The following GABRG1 variants were observed in gnomAD, a reference collection of about 807,000 sequenced individuals.
GABRG1 encodes the protein gamma-aminobutyric acid type A receptor subunit gamma1.
Under a neutral mutation model 49.8 loss-of-function variants are expected in GABRG1, and 49 were observed. The ratio of observed to expected loss-of-function variants is 0.98; its 90% CI spans 0.78 to 1.25. GABRG1 has a LOEUF of 1.25. GABRG1 is among the 50% of genes most tolerant of loss of function. The probability of loss-of-function intolerance (pLI) is 0.00; values close to 1 mark genes in which losing one functional copy is unlikely to be tolerated. For missense variants in GABRG1, 552 were observed against 552.3 expected, an observed-to-expected ratio of 1.00 and a Z score of 0.01; for synonymous variants, 232 against 185.1, an observed-to-expected ratio of 1.25 and a Z score of -2.06.
intron 2 of GABRG1, among the ~76,000 whole-genome samples, chr4:46,092,351 G>A (rs1577659739): frequency 6.6e-6 from 1 of 151,796 alleles, no homozygotes; most frequent in Non-Finnish European, 1.5e-5. Context: ...TATGGAAAAA[G>A]GTTTGAAATT....
chr4:46,077,427 C>T (rs955827733), intron 3 of GABRG1, among the ~76,000 whole-genome samples: 2 of 151,792 alleles, frequency 1.3e-5, no homozygotes. Context: ...ATGATCATAA[C>T]AATGGTGACC....
chr4:46,105,144 G>T (rs951732399), intron 1 of GABRG1, among the ~76,000 whole-genome samples: 1 of 151,254 alleles, frequency 6.6e-6, no homozygotes, highest in Non-Finnish European at 1.5e-5. Context: ...GAAATCCAAA[G>T]CACAAACAAA....
rs1182116080 is a variant in GABRG1 at position 46,056,151 on chromosome 4, T to TAAAAAAAAA, written c.916+2057_916+2065dup. On this transcript the variant is annotated intron_variant, in intron 7 of 8. Transcript: ENST00000295452. ...AAAAAAAAAAAATAAATAAATAAAT[T>TAAAAAAAAA]AAAAAAAAAAAAAAAAAAAAAAAAA... Among the ~76,000 whole-genome samples, 18 of 9,148 alleles carry TAAAAAAAAA rather than the reference T, an allele frequency of 2.0e-3. 1 individual carries two copies. Among genetic ancestry groups the TAAAAAAAAA allele is most frequent in the Non-Finnish European group, 2.3e-3 (14 of 6,160 alleles). 6.0% of individuals were successfully genotyped at this position (9,148 alleles called of 152,430 possible).
At chr4:46,115,731 T>C (rs572177053) in intron 1 of GABRG1, among the ~76,000 whole-genome samples, 1 of 150,790 alleles carries the variant, frequency 6.6e-6, no homozygotes, top group Non-Finnish European at 1.5e-5. Flanking sequence ...ACATCTAAAA[T>C]AGGAAACAAA....
chr4:46,096,401 T>A (rs2109430735), intron 2 of GABRG1, among the ~76,000 whole-genome samples: 1 of 151,640 alleles, frequency 6.6e-6, no homozygotes, highest in African/African-American at 2.4e-5. Context: ...AACAGGAAGC[T>A]TCCAAAATAC....
rs115352172 is a variant in GABRG1, at chr4:46,099,688, T to C, written c.105-2339A>G. On this transcript the variant is annotated intron_variant, in intron 1 of 8. Coordinates refer to ENST00000295452, the MANE Select transcript of GABRG1 (RefSeq NM_173536.4). Reference sequence around the variant, plus strand: ...AGCAAAATCTCTGCCAAAACAATTCTGGCCCCCTCAAGTTAAGTATATCAC... The same window carrying C: ...AGCAAAATCTCTGCCAAAACAATTCCGGCCCCCTCAAGTTAAGTATATCAC... Among the ~76,000 whole-genome samples, 660 of 151,874 alleles carry C rather than the reference T, an allele frequency of 4.3e-3. 3 individuals are homozygous for C. The highest frequency in any genetic ancestry group is 7.4e-3 in the Non-Finnish European group (499 of 67,842).
At chr4:46,066,434 T>C (rs1261304199) in intron 3 of GABRG1, among the ~76,000 whole-genome samples, 4 of 152,196 alleles carry the variant, frequency 2.6e-5, no homozygotes, top group Non-Finnish European at 4.4e-5. Context: ...TAAATCTTTA[T>C]TGCAACTCTG....
intron 2 of GABRG1, among the ~76,000 whole-genome samples, chr4:46,085,357 A>T (rs1201876468): frequency 1.3e-5 from 2 of 151,612 alleles, no homozygotes; most frequent in Non-Finnish European, 3.0e-5. Flanking sequence ...TGAGTTACAT[A>T]GAAGCAGAGA....
Position 46,036,285 on chromosome 4 carries a change from T to TAC in GABRG1, c.*4702_*4703insGT. ...AATTCTCTTATTCTCTTTGTCCAAA[T>TAC]ATATATATAATTTTATACATATATA... is the stretch of plus-strand genomic sequence containing the variant. On this transcript the variant is annotated 3_prime_UTR_variant, in exon 9 of 9. Coordinates refer to ENST00000295452, the MANE Select transcript of GABRG1 (RefSeq NM_173536.4). 6.6e-6 allele frequency: 1 copy of TAC among 151,792 alleles called. No individual in the cohort carries two copies. Among genetic ancestry groups the TAC allele is most frequent in the Admixed American group, 6.6e-5 (1 of 15,202 alleles). The allele number at this position is 151,792 out of a possible 1,614,324, so 9.4% of individuals were successfully genotyped here.
At position 46,038,929 on chromosome 4, in the gene GABRG1, G is replaced by C. The variant is rs766002102; in HGVS notation, c.*2059C>G. On this transcript the variant is annotated 3_prime_UTR_variant, in exon 9 of 9. Coordinates refer to ENST00000295452, the MANE Select transcript of GABRG1 (RefSeq NM_173536.4). Reference sequence around the variant, plus strand: ...AAAGCTATTTTTTTTCTTTTACATAGAACGTGGTTCAGAAGGAAAAGCTAT... The same window carrying C: ...AAAGCTATTTTTTTTCTTTTACATACAACGTGGTTCAGAAGGAAAAGCTAT... 1 of 151,246 alleles carries C rather than the reference G, an allele frequency of 6.6e-6. No individual in the cohort carries two copies. Among genetic ancestry groups the C allele is most frequent in the Non-Finnish European group, 1.5e-5 (1 of 67,592 alleles). 9.4% of individuals were successfully genotyped at this position (151,246 alleles called of 1,614,324 possible).
chr4:46,071,065 T>C (rs374648466), intron 3 of GABRG1, among the ~76,000 whole-genome samples: 16 of 152,042 alleles, frequency 1.1e-4, no homozygotes, highest in East Asian at 7.7e-4. Flanking sequence ...CTAGTGATGT[T>C]GTGGCCATTC....
At position 46,071,969 on chromosome 4, in the gene GABRG1, C is replaced by G. The variant is rs964505107; in HGVS notation, c.322-6385G>C. On this transcript the variant is annotated intron_variant, in intron 3 of 8. Transcript: ENST00000295452. ...AAAGTAGTGCAAAGTAATGTCCAGG[C>G]CTTCACATTCACTCACCACTCACTC... 2.0e-5 allele frequency among the ~76,000 whole-genome samples: 3 copies of G among 151,970 alleles called. No individual in the cohort carries two copies. In the East Asian group the frequency reaches 5.8e-4, roughly 29 times the overall value.
chr4:46,088,914 G>A (rs1196933472), intron 2 of GABRG1, among the ~76,000 whole-genome samples: 2 of 150,962 alleles, frequency 1.3e-5, no homozygotes, highest in Admixed American at 1.3e-4. Flanking sequence ...ATATGTTTAG[G>A]CAGCAGACTT....
At chr4:46,063,930 T>A (rs1718809996) in intron 5 of GABRG1, among the ~76,000 whole-genome samples, 1 of 152,166 alleles carries the variant, frequency 6.6e-6, no homozygotes, top group African/African-American at 2.4e-5. Flanking sequence ...TCTCTATGAA[T>A]CAATCTTTTT....
chr4:46,069,680 C>T (rs562392813), intron 3 of GABRG1, among the ~76,000 whole-genome samples: 1 of 152,210 alleles, frequency 6.6e-6, no homozygotes, highest in Admixed American at 6.5e-5. Flanking sequence ...GCCAAAGGCA[C>T]ATAGCATCGT....
At chr4:46,103,375 T>C (rs1303449625) in intron 1 of GABRG1, among the ~76,000 whole-genome samples, 1 of 151,584 alleles carries the variant, frequency 6.6e-6, no homozygotes. Context: ...ATAGTAAATA[T>C]AATAAATATT....
intron 8 of GABRG1, among the ~76,000 whole-genome samples, chr4:46,042,636 C>CAA (rs1717828538): frequency 1.3e-5 from 2 of 151,862 alleles, no homozygotes; most frequent in South Asian, 4.1e-4. Flanking sequence ...CAAATGTATA[C>CAA]AAAAGTTTAA....
At chr4:46,087,368 G>A (rs34717597) in intron 2 of GABRG1, among the ~76,000 whole-genome samples, 8,153 of 151,464 alleles carry the variant, frequency 0.054, 366 homozygotes, top group African/African-American at 0.11. Context: ...TCATTATTGT[G>A]TCATGCTTAT....
chr4:46,061,261 A>T (rs920617056), intron 5 of GABRG1, among the ~76,000 whole-genome samples: 9 of 152,140 alleles, frequency 5.9e-5, no homozygotes, highest in Non-Finnish European at 1.0e-4. Context: ...CTGTTTAAAA[A>T]TCAAAGCAGT....
Sources: gnomAD v4.1 joint callset for allele counts (sites outside exome capture counted in the v4.1 genomes callset) on GRCh38, gnomAD v4.1.1 for gene constraint, MANE v1.5 for transcripts, NCBI Gene and HGNC (gene_info 2026-07-23, HGNC 2026-07-21) for gene names.